Variants in PIGK observed in about 807,000 individuals in gnomAD.
The protein encoded by PIGK is phosphatidylinositol glycan anchor biosynthesis class K, also known as GPI-anchor transamidase.
In PIGK, 42 loss-of-function variants were observed where a neutral mutation model predicts 50.6. That is an observed-to-expected ratio of 0.83 (90% CI 0.65 to 1.07). The LOEUF (loss-of-function observed/expected upper bound fraction) is 1.07, where lower values mean the gene tolerates loss of function less well. Ranked by LOEUF, PIGK falls within the 50% of genes least tolerant of loss-of-function variation. PIGK has a pLI of 0.00. For synonymous variants in PIGK, 151 were observed against 156.0 expected (o/e 0.97, Z 0.24); for missense variants, 448 against 488.7 (o/e 0.92, Z 0.78).
At chr1:77,195,047 G>A (rs1655999710) in intron 3 of PIGK, 3 of 868,222 alleles carry the variant, frequency 3.5e-6, no homozygotes, top group Non-Finnish European at 5.7e-6. Context: ...AATCTGCTCA[G>A]AGACCTGGCT....
chr1:77,136,552 A>G (rs1654523307), intron 9 of PIGK, among the ~76,000 whole-genome samples: 1 of 151,332 alleles, frequency 6.6e-6, no homozygotes, highest in Non-Finnish European at 1.5e-5. Context: ...AAAAAAAAAA[A>G]AAAAAAAAGA....
chr1:77,180,819 C>T (rs962075133), intron 3 of PIGK, among the ~76,000 whole-genome samples: 35 of 152,092 alleles, frequency 2.3e-4, no homozygotes, highest in African/African-American at 8.5e-4. Flanking sequence ...ATAGATTTAT[C>T]TCAGCGAGCA....
chr1:77,172,404 A>C (rs1017536349), intron 3 of PIGK, among the ~76,000 whole-genome samples: 4 of 151,998 alleles, frequency 2.6e-5, no homozygotes, highest in Admixed American at 6.6e-5. Context: ...TTTTGTCTCT[A>C]ATCTTCTTCC....
At chr1:77,201,756 G>GA (rs1300545967) in intron 3 of PIGK, among the ~76,000 whole-genome samples, 17 of 150,342 alleles carry the variant, frequency 1.1e-4, no homozygotes, top group Admixed American at 5.3e-4. Context: ...TAAAAAACAA[G>GA]AAAAAAAAAT....
chr1:77,131,478 G>C (rs543293854), intron 9 of PIGK, among the ~76,000 whole-genome samples: 185 of 152,004 alleles, frequency 1.2e-3, no homozygotes, highest in Non-Finnish European at 2.3e-3. Context: ...TCTTGTCCCC[G>C]ATTTTCATCG....
At chr1:77,142,015 T>G (rs1019730167) in intron 9 of PIGK, among the ~76,000 whole-genome samples, 1 of 152,106 alleles carries the variant, frequency 6.6e-6, no homozygotes, top group Non-Finnish European at 1.5e-5. Context: ...AATACTAATA[T>G]GGCAATGTCA....
At chr1:77,113,135 C>T (rs1360915815) in intron 10 of PIGK, among the ~76,000 whole-genome samples, 1 of 151,754 alleles carries the variant, frequency 6.6e-6, no homozygotes, top group Non-Finnish European at 1.5e-5. Context: ...TACTATAAAG[C>T]ATATTTAATG....
At chr1:77,128,133 C>T (rs1241457879) in intron 9 of PIGK, among the ~76,000 whole-genome samples, 1 of 152,142 alleles carries the variant, frequency 6.6e-6, no homozygotes, top group Non-Finnish European at 1.5e-5. Flanking sequence ...TACATTATTT[C>T]CCTCAAAATG....
chr1:77,195,077 G>A (rs1656000312), intron 3 of PIGK: 1 of 990,104 alleles, frequency 1.0e-6, no homozygotes, highest in Non-Finnish European at 1.6e-6. Context: ...GCCCATAGCA[G>A]GAACAACCCA....
At chr1:77,101,386 C>T (rs2100511496) in intron 10 of PIGK, among the ~76,000 whole-genome samples, 2 of 152,194 alleles carry the variant, frequency 1.3e-5, no homozygotes, top group Admixed American at 1.3e-4. Context: ...TTCTTCTTTT[C>T]AGGGCACTGG....
Position 77,136,470 on chromosome 1 carries a change from A to G in PIGK, c.987-14111T>C, listed in dbSNP as rs548143002. ...CGTGAACCCGGGAGGCGGAGCTTGC[A>G]GTGAGCCGAGATCCCGCCACTGCAC... On this transcript the variant is annotated intron_variant, in intron 9 of 10. Coordinates refer to ENST00000370812, the MANE Select transcript of PIGK (RefSeq NM_005482.3). Among the ~76,000 whole-genome samples, 3 of 139,982 alleles carry G rather than the reference A, an allele frequency of 2.1e-5. No homozygotes were observed. In the East Asian group the frequency reaches 6.5e-4, roughly 30 times the overall value. 91.8% of individuals were successfully genotyped at this position (139,982 alleles called of 152,430 possible). A position where few individuals can be genotyped will look rare whatever the true frequency, so the allele number is the denominator to read the frequency against.
chr1:77,108,001 T>A (rs951217354), intron 10 of PIGK, among the ~76,000 whole-genome samples: 3 of 152,144 alleles, frequency 2.0e-5, no homozygotes, highest in Admixed American at 1.3e-4. Context: ...ATGAGATGGG[T>A]TTCCTGAATA....
At chr1:77,112,167 T>C (rs1653862419) in intron 10 of PIGK, among the ~76,000 whole-genome samples, 1 of 148,836 alleles carries the variant, frequency 6.7e-6, no homozygotes, top group African/African-American at 2.5e-5. Flanking sequence ...ACTAAAGATA[T>C]TGATTCCTTT....
chr1:77,093,853 A>C (rs2100505601), intron 10 of PIGK, among the ~76,000 whole-genome samples: 1 of 152,254 alleles, frequency 6.6e-6, no homozygotes, highest in Admixed American at 6.5e-5. Flanking sequence ...CAAGACGGTA[A>C]GTTCGGTGGT....
At chr1:77,150,281 G>A (rs909693920) in intron 9 of PIGK, among the ~76,000 whole-genome samples, 1 of 152,028 alleles carries the variant, frequency 6.6e-6, no homozygotes, top group African/African-American at 2.4e-5. Context: ...ACTTTGGGAG[G>A]CCAAGGTGGG....
At chr1:77,138,429 G>A (rs1387809198) in intron 9 of PIGK, among the ~76,000 whole-genome samples, 1 of 152,216 alleles carries the variant, frequency 6.6e-6, no homozygotes, top group Non-Finnish European at 1.5e-5. Flanking sequence ...ATACTCATAA[G>A]AAAATGGGAT....
intron 2 of PIGK, 32 bp from the exon 3 acceptor site, chr1:77,206,763 TGCATCAAG>T: frequency 2.3e-6 from 3 of 1,290,756 alleles, no homozygotes; most frequent in Non-Finnish European, 3.4e-6. Flanking sequence ...AGAATTTTTA[TGCATCAAG>T]GCTAACCATG....
At chr1:77,116,410 C>T (rs1653965381) in intron 10 of PIGK, among the ~76,000 whole-genome samples, 1 of 152,086 alleles carries the variant, frequency 6.6e-6, no homozygotes, top group Non-Finnish European at 1.5e-5. Context: ...TGGTCTCGAT[C>T]TCCTGACCTC....
chr1:77,172,099 ACATCCTTAATT>A (rs1655377782), intron 3 of PIGK, among the ~76,000 whole-genome samples: 1 of 112,256 alleles, frequency 8.9e-6, no homozygotes, highest in Non-Finnish European at 1.9e-5. Context: ...TTGTATTTTG[ACATCCTTAATT>A]GTTTAAGCAA....
Sources: allele counts gnomAD v4.1 joint callset (sites outside exome capture counted in the v4.1 genomes callset), GRCh38; gene constraint gnomAD v4.1.1; transcripts MANE v1.5; gene names NCBI Gene and HGNC (gene_info 2026-07-23, HGNC 2026-07-21).